SMAP1: variants seen among roughly 807,000 people sequenced by gnomAD.
SMAP1 encodes the protein small ArfGAP 1, also known as stromal membrane-associated protein 1.
In SMAP1, 24 loss-of-function variants were observed where a neutral mutation model predicts 58.5. The ratio of observed to expected loss-of-function variants is 0.41; its 90% CI spans 0.30 to 0.58. The LOEUF (loss-of-function observed/expected upper bound fraction) is 0.58. Among genes scored for constraint, SMAP1 ranks in the 20% least tolerant of loss-of-function variants. The pLI is 0.29. For synonymous variants in SMAP1, 216 were observed against 196.6 expected (o/e 1.10, Z -0.82); for missense variants, 563 against 566.3 (o/e 0.99, Z 0.06).
intron 4 of SMAP1, among the ~76,000 whole-genome samples, chr6:70,788,929 C>T (rs928044130): frequency 1.7e-4 from 26 of 152,186 alleles, no homozygotes; most frequent in African/African-American, 6.0e-4. Flanking sequence ...GCAAGGAGAC[C>T]AGTTAGGAGG....
At chr6:70,782,577 A>G (rs978056986) in intron 4 of SMAP1, among the ~76,000 whole-genome samples, 10 of 152,168 alleles carry the variant, frequency 6.6e-5, no homozygotes, top group Non-Finnish European at 1.0e-4. Flanking sequence ...GCCCTGAAAC[A>G]TCGGACTCCA....
intron 4 of SMAP1, among the ~76,000 whole-genome samples, chr6:70,788,900 G>T (rs1011193941): frequency 4.7e-4 from 72 of 152,128 alleles, no homozygotes; most frequent in African/African-American, 1.7e-3. Context: ...AATAGATTTG[G>T]AGAGGAGCAA....
At chr6:70,755,783 C>T (rs923336167) in intron 3 of SMAP1, among the ~76,000 whole-genome samples, 2 of 151,848 alleles carry the variant, frequency 1.3e-5, no homozygotes, top group African/African-American at 4.8e-5. Flanking sequence ...TGTAAGCATC[C>T]TGAGTATGTT....
At chr6:70,674,863 T>C (rs1766411123) in intron 1 of SMAP1, among the ~76,000 whole-genome samples, 1 of 152,180 alleles carries the variant, frequency 6.6e-6, no homozygotes, top group Admixed American at 6.5e-5. Flanking sequence ...TAGTCCCAGC[T>C]ACTCGGGAGA....
chr6:70,830,595 A>G (rs929700848), intron 6 of SMAP1, among the ~76,000 whole-genome samples: 8 of 152,234 alleles, frequency 5.3e-5, no homozygotes, highest in East Asian at 1.9e-4. Flanking sequence ...TAAGGTTTAC[A>G]ACCTTTATGT....
At chr6:70,710,673 AT>A (rs1051838383) in intron 1 of SMAP1, among the ~76,000 whole-genome samples, 8 of 152,124 alleles carry the variant, frequency 5.3e-5, no homozygotes, top group African/African-American at 1.9e-4. Context: ...GCTAGAATAA[AT>A]TGATATTAAA....
At chr6:70,846,794 G>A (rs1244559966) in intron 7 of SMAP1, among the ~76,000 whole-genome samples, 1 of 152,144 alleles carries the variant, frequency 6.6e-6, no homozygotes, top group African/African-American at 2.4e-5. Context: ...TAGGGAATGG[G>A]CACCTGTTTC....
intron 1 of SMAP1, among the ~76,000 whole-genome samples, chr6:70,675,387 A>G (rs969924925): frequency 1.3e-5 from 2 of 151,942 alleles, no homozygotes; most frequent in Non-Finnish European, 2.9e-5. Flanking sequence ...GCAGTGGTGT[A>G]CACCTGTAAT....
At chr6:70,777,481 C>T (rs1582164533) in intron 4 of SMAP1, among the ~76,000 whole-genome samples, 3 of 152,018 alleles carry the variant, frequency 2.0e-5, no homozygotes, top group South Asian at 2.1e-4. Context: ...TCGAGTTGTT[C>T]GAGTTCCTTG....
intron 1 of SMAP1, among the ~76,000 whole-genome samples, chr6:70,683,151 C>A (rs959706859): frequency 6.7e-6 from 1 of 149,288 alleles, no homozygotes; most frequent in Non-Finnish European, 1.5e-5. Context: ...TTTCTTGATA[C>A]TCTTAAGATT....
chr6:70,688,763 T>G (rs1191876095), intron 1 of SMAP1, among the ~76,000 whole-genome samples: 1 of 151,686 alleles, frequency 6.6e-6, no homozygotes, highest in Non-Finnish European at 1.5e-5. Flanking sequence ...TGGTCTTGCA[T>G]AGAAGAAAAG....
At chr6:70,670,642 G>T (rs1222227981) in intron 1 of SMAP1, among the ~76,000 whole-genome samples, 1 of 152,140 alleles carries the variant, frequency 6.6e-6, no homozygotes, top group Non-Finnish European at 1.5e-5. Context: ...ATGTATTGAT[G>T]TTTTCTTCAC....
chr6:70,726,916 G>T (rs1768815318), intron 1 of SMAP1, among the ~76,000 whole-genome samples: 2 of 142,556 alleles, frequency 1.4e-5, no homozygotes, highest in Non-Finnish European at 1.5e-5. Context: ...TGTGTGTGTA[G>T]AAATTTAAAT....
intron 2 of SMAP1, among the ~76,000 whole-genome samples, chr6:70,741,002 A>G (rs938886216): frequency 1.3e-5 from 2 of 152,162 alleles, no homozygotes; most frequent in Non-Finnish European, 2.9e-5. Context: ...AACCGCCCCC[A>G]TGATTCAATT....
intron 6 of SMAP1, among the ~76,000 whole-genome samples, chr6:70,818,625 C>T (rs1032686104): frequency 2.0e-5 from 3 of 152,140 alleles, no homozygotes; most frequent in Non-Finnish European, 2.9e-5. Flanking sequence ...TCCTGGCTTT[C>T]TATCCCTCTT....
intron 1 of SMAP1, chr6:70,694,736 C>G (rs1767327184): frequency 6.6e-6 from 1 of 152,140 alleles, no homozygotes; most frequent in South Asian, 2.1e-4. Context: ...TGTTGGAAAC[C>G]TGAATTTGGT....
At chr6:70,756,757 T>A (rs894014435) in intron 3 of SMAP1, among the ~76,000 whole-genome samples, 1 of 152,090 alleles carries the variant, frequency 6.6e-6, no homozygotes, top group African/African-American at 2.4e-5. Context: ...ATGAGTGAAC[T>A]CCCATTCACA....
chr6:70,738,373 AG>A (rs1177343944), intron 2 of SMAP1, among the ~76,000 whole-genome samples: 1 of 152,016 alleles, frequency 6.6e-6, no homozygotes, highest in African/African-American at 2.4e-5. Flanking sequence ...AAAGATTCTC[AG>A]GTTAAATCTG....
chr6:70,726,353 A>G (rs977855803), intron 1 of SMAP1, among the ~76,000 whole-genome samples: 1 of 152,368 alleles, frequency 6.6e-6, no homozygotes, highest in Non-Finnish European at 1.5e-5. Flanking sequence ...GGTACAGAAC[A>G]TACAGAGATC....
Sources: gnomAD v4.1 joint callset for allele counts (sites outside exome capture counted in the v4.1 genomes callset) on GRCh38, gnomAD v4.1.1 for gene constraint, MANE v1.5 for transcripts, NCBI Gene and HGNC (gene_info 2026-07-23, HGNC 2026-07-21) for gene names.